The following FKBP5 variants were observed in gnomAD, a reference collection of about 807,000 sequenced individuals.
FKBP5 encodes FKBP prolyl isomerase 5.
In FKBP5, 23 loss-of-function variants were observed where a neutral mutation model predicts 50.5. That is an observed-to-expected ratio of 0.46 (90% CI 0.33 to 0.65). FKBP5 has a LOEUF of 0.65. FKBP5 is among the 30% of genes least tolerant of loss of function. The probability of loss-of-function intolerance (pLI) is 0.02; values close to 1 mark genes in which losing one functional copy is unlikely to be tolerated. For missense variants in FKBP5, 411 were observed against 553.1 expected (o/e 0.74, Z 2.58); for synonymous variants, 176 against 190.6 (o/e 0.92, Z 0.63).
chr6:35,701,787 C>T (rs574040899), intron 2 of FKBP5, among the ~76,000 whole-genome samples: 1 of 152,022 alleles, frequency 6.6e-6, no homozygotes, highest in South Asian at 2.1e-4. Flanking sequence ...GCACACCTCC[C>T]ACCTCAGCCT....
chr6:35,673,217 A>C (rs1261478156), intron 1 of FKBP5, among the ~76,000 whole-genome samples: 1 of 152,218 alleles, frequency 6.6e-6, no homozygotes, highest in Non-Finnish European at 1.5e-5. Context: ...GCTTGAATAC[A>C]TAACATACCA....
rs114120544 is a variant in FKBP5, at chr6:35,710,479, G to T, written c.-20+9849C>A. ...GAGATCTTGTCTCAAAAAAAAAAAG[G>T]TGTGAAAAATAAAAAGCCAATGATA... On this transcript the variant is annotated intron_variant, in intron 2 of 11. Transcript: ENST00000536438. Among the ~76,000 whole-genome samples the T allele has an allele frequency of 7.3e-3, 1,106 of 152,026 alleles. 15 individuals are homozygous for T. The highest frequency in any genetic ancestry group is 0.024 in the African/African-American group (980 of 41,446).
At chr6:35,622,979 A>G (rs896715037) in intron 3 of FKBP5, among the ~76,000 whole-genome samples, 14 of 152,038 alleles carry the variant, frequency 9.2e-5, no homozygotes, top group African/African-American at 3.1e-4. Flanking sequence ...GTGGTGGCTC[A>G]CGCCTGTAAT....
rs546037594 is a variant in FKBP5 at position 35,581,786 on chromosome 6, G to A, written c.841-1565C>T. 1.2e-5 allele frequency: 12 copies of A among 985,510 alleles called. No individual in the cohort carries two copies. The Admixed American group carries it at 3.1e-4, about 25-fold the overall frequency. 61.0% of individuals were successfully genotyped at this position (985,510 alleles called of 1,614,324 possible). A position where few individuals can be genotyped will look rare whatever the true frequency, so the allele number is the denominator to read the frequency against. On this transcript the variant is annotated intron_variant, in intron 8 of 10. Transcript: ENST00000357266. ...AGATGATACATCCTGCCAGATGGCAGAGGAGCAGCCAGACCTATTAGGACA... is the reference window on the plus strand; with the variant it reads ...AGATGATACATCCTGCCAGATGGCAAAGGAGCAGCCAGACCTATTAGGACA...
At chr6:35,664,472 A>C (rs1765160273) in intron 1 of FKBP5, among the ~76,000 whole-genome samples, 1 of 152,232 alleles carries the variant, frequency 6.6e-6, no homozygotes, top group African/African-American at 2.4e-5. Context: ...TCCCGGAGGA[A>C]GAACAATGTG....
chr6:35,627,755 T>C (rs1202761228), intron 3 of FKBP5, among the ~76,000 whole-genome samples: 1 of 151,920 alleles, frequency 6.6e-6, no homozygotes, highest in Non-Finnish European at 1.5e-5. Flanking sequence ...CCATATTCTT[T>C]ATCTTTTCTT....
intron 1 of FKBP5, among the ~76,000 whole-genome samples, chr6:35,657,512 T>C (rs1359341115): frequency 6.6e-6 from 1 of 152,246 alleles, no homozygotes; most frequent in African/African-American, 2.4e-5. Flanking sequence ...TCTCTGACTA[T>C]AGTTGGGAAA....
chr6:35,585,903 C>A (rs1265397866), intron 8 of FKBP5: 3 of 984,964 alleles, frequency 3.0e-6, no homozygotes, highest in East Asian at 2.3e-4. Flanking sequence ...TTACATAATT[C>A]TCTAGTTGTT....
upstream of FKBP5, among the ~76,000 whole-genome samples, chr6:35,690,229 G>A (rs1246319457): frequency 1.3e-5 from 2 of 152,186 alleles, no homozygotes; most frequent in Non-Finnish European, 2.9e-5. Flanking sequence ...AGCACTTTGG[G>A]AGGCCGAGAT....
chr6:35,714,106 G>A (rs73729766), intron 2 of FKBP5, among the ~76,000 whole-genome samples: 5,044 of 151,014 alleles, frequency 0.033, 166 homozygotes, highest in African/African-American at 0.085. Context: ...ACCCACCCAT[G>A]GTTAAGCAGG....
chr6:35,677,489 A>G lies in FKBP5; in HGVS notation c.-20+11315T>C, dbSNP rs748045977. Among the ~76,000 whole-genome samples, 6 of 152,344 alleles carry G rather than the reference A, an allele frequency of 3.9e-5. No homozygotes were observed. In the East Asian group the frequency reaches 9.6e-4, roughly 24 times the overall value. ...GACCTGTACTTTCTCCCATGAAAAC[A>G]CTAGAAAGTCCTGAAAATGTGTTAT... On this transcript the variant is annotated intron_variant, in intron 1 of 10. Coordinates refer to ENST00000357266, the MANE Select transcript of FKBP5 (RefSeq NM_004117.4).
chr6:35,683,133 T>C (rs1240550025), intron 1 of FKBP5, among the ~76,000 whole-genome samples: 4 of 100,708 alleles, frequency 4.0e-5, no homozygotes, highest in African/African-American at 1.8e-4. Flanking sequence ...TGTGTGTGTG[T>C]GTGTGTGTGT....
intron 1 of FKBP5, among the ~76,000 whole-genome samples, chr6:35,680,000 A>G (rs1158586806): frequency 6.6e-6 from 1 of 152,122 alleles, no homozygotes; most frequent in South Asian, 2.1e-4. Context: ...GGCAAAATAA[A>G]TGTTTATGTT....
At chr6:35,638,059 T>A (rs955953648) in intron 2 of FKBP5, among the ~76,000 whole-genome samples, 6 of 152,236 alleles carry the variant, frequency 3.9e-5, no homozygotes, top group Non-Finnish European at 7.3e-5. Context: ...ACTTGTTTTC[T>A]AGTAAAGTAT....
At chr6:35,713,404 G>A (rs920451885) in intron 2 of FKBP5, among the ~76,000 whole-genome samples, 1 of 152,226 alleles carries the variant, frequency 6.6e-6, no homozygotes, top group Non-Finnish European at 1.5e-5. Flanking sequence ...ACTTAATGAA[G>A]CTGGTGGTCT....
At chr6:35,682,959 T>C (rs1048784859) in intron 1 of FKBP5, among the ~76,000 whole-genome samples, 19 of 151,136 alleles carry the variant, frequency 1.3e-4, no homozygotes, top group African/African-American at 4.6e-4. Flanking sequence ...ATTTCTTTTT[T>C]AAAAAAAGGT....
intron 1 of FKBP5, among the ~76,000 whole-genome samples, chr6:35,669,838 T>C (rs948345398): frequency 6.6e-6 from 1 of 152,220 alleles, no homozygotes; most frequent in Non-Finnish European, 1.5e-5. Flanking sequence ...AAGCTTTCTT[T>C]ACTGGACAAT....
In FKBP5 at chr6:35,655,583, TAGTATA is replaced by T. The variant is rs528108893; in HGVS notation, c.-19-12746_-19-12741del. ...CCTATTCATTTTGTACTCCACCACC[TAGTATA>T]AGTAAATGGCATAGGAGCAGTACTC... On this transcript the variant is annotated intron_variant, in intron 1 of 10. Coordinates refer to ENST00000357266, the MANE Select transcript of FKBP5 (RefSeq NM_004117.4). 1.2e-4 allele frequency among the ~76,000 whole-genome samples: 19 copies of T among 152,276 alleles called. No homozygotes were observed. The East Asian group carries it at 3.7e-3, about 29-fold the overall frequency.
intron 5 of FKBP5, among the ~76,000 whole-genome samples, chr6:35,598,189 G>GA (rs1334535022): frequency 1.5e-4 from 23 of 152,048 alleles, no homozygotes; most frequent in African/African-American, 2.4e-5. Context: ...AGACAAAATA[G>GA]AAAAAATGCA....
Sources: allele counts gnomAD v4.1 joint callset (sites outside exome capture counted in the v4.1 genomes callset), GRCh38; gene constraint gnomAD v4.1.1; transcripts MANE v1.5; gene names NCBI Gene and HGNC (gene_info 2026-07-23, HGNC 2026-07-21).